The following ATP2B1 variants were observed in gnomAD, a reference collection of about 807,000 sequenced individuals.
The protein encoded by ATP2B1 is plasma membrane calcium-transporting ATPase 1.
In ATP2B1, 14 loss-of-function variants were observed where a neutral mutation model predicts 124.2. The ratio of observed to expected loss-of-function variants is 0.11; its 90% CI spans 0.07 to 0.18. The LOEUF is 0.18. Among genes scored for constraint, ATP2B1 ranks in the 10% least tolerant of loss-of-function variants. ATP2B1 has a pLI of 1.00. For missense variants in ATP2B1, 763 were observed against 1,466.1 expected (o/e 0.52, Z 7.83); for synonymous variants, 449 against 492.4 (o/e 0.91, Z 1.17).
At chr12:89,633,100 A>G (rs1882130770) in intron 5 of ATP2B1, among the ~76,000 whole-genome samples, 1 of 152,090 alleles carries the variant, frequency 6.6e-6, no homozygotes, top group Non-Finnish European at 1.5e-5. Context: ...TCTCCTTTGG[A>G]AAGGTTATAG....
At chr12:89,626,017 G>A (rs1880824215) in intron 8 of ATP2B1, among the ~76,000 whole-genome samples, 1 of 152,108 alleles carries the variant, frequency 6.6e-6, no homozygotes, top group Non-Finnish European at 1.5e-5. Flanking sequence ...CAGTAATATA[G>A]AAACTTCAGC....
intron 2 of ATP2B1, among the ~76,000 whole-genome samples, chr12:89,652,640 G>T (rs896328025): frequency 3.9e-5 from 6 of 152,198 alleles, no homozygotes; most frequent in African/African-American, 1.2e-4. Context: ...TTGTATGCTT[G>T]ATCAGTGACA....
At chr12:89,613,782 C>A (rs1279210197) in intron 12 of ATP2B1, among the ~76,000 whole-genome samples, 1 of 152,170 alleles carries the variant, frequency 6.6e-6, no homozygotes, top group East Asian at 1.9e-4. Context: ...GCCTACTAGT[C>A]ACCAGATGCT....
intron 2 of ATP2B1, among the ~76,000 whole-genome samples, chr12:89,653,123 A>T (rs1379436950): frequency 6.6e-6 from 1 of 152,218 alleles, no homozygotes; most frequent in Non-Finnish European, 1.5e-5. Flanking sequence ...CAAATTGTGT[A>T]TATATAAACA....
intron 7 of ATP2B1, 67 bp from the exon 8 acceptor site, chr12:89,626,682 G>T (rs572868155): frequency 3.6e-4 from 530 of 1,482,592 alleles, no homozygotes; most frequent in Non-Finnish European, 4.6e-4. Flanking sequence ...ACATTTTAAA[G>T]AAATTTTAAA....
intron 2 of ATP2B1, among the ~76,000 whole-genome samples, chr12:89,644,249 C>G (rs938792859): frequency 1.3e-5 from 2 of 152,106 alleles, no homozygotes; most frequent in African/African-American, 4.8e-5. Context: ...GAGCCTATTC[C>G]AAGAGAACAT....
chr12:89,627,722 G>A lies in ATP2B1; in HGVS notation c.929-6C>T, dbSNP rs776268326. On this transcript the variant is annotated splice_polypyrimidine_tract_variant and splice_region_variant and intron_variant, in intron 6 of 20. Coordinates refer to ENST00000428670, the MANE Select transcript of ATP2B1 (RefSeq NM_001366521.1). ...AGCTCCATCTTGTTTCTTATCTGTA[G>A]GAACAAAATGGGAATTAAAGCTTTC... 1.2e-6 allele frequency: 2 copies of A among 1,613,404 alleles called. No homozygotes were observed. Among genetic ancestry groups the A allele is most frequent in the Admixed American group, 1.7e-5 (1 of 59,972 alleles).
chr12:89,629,036 T>C (rs1160940902), intron 6 of ATP2B1, among the ~76,000 whole-genome samples: 1 of 152,100 alleles, frequency 6.6e-6, no homozygotes, highest in Non-Finnish European at 1.5e-5. Context: ...AAATTAGATG[T>C]TAATTTCTGG....
rs1034712650 is a variant in ATP2B1, at chr12:89,682,086, C to G, written c.-221-25979G>C. ...ATACATAAAATAGCCTTTATATACA[C>G]AACTAATAACCAATTACAAAATATA... On this transcript the variant is annotated intron_variant, in intron 1 of 20. Coordinates refer to ENST00000428670, the MANE Select transcript of ATP2B1 (RefSeq NM_001366521.1). Among the ~76,000 whole-genome samples the G allele has an allele frequency of 2.0e-5, 3 of 152,138 alleles. No individual in the cohort carries two copies. The East Asian group carries it at 5.8e-4, about 29-fold the overall frequency.
intron 5 of ATP2B1, among the ~76,000 whole-genome samples, chr12:89,634,279 T>C (rs1252803769): frequency 6.6e-6 from 1 of 152,210 alleles, no homozygotes; most frequent in Non-Finnish European, 1.5e-5. Context: ...AGTTTATATC[T>C]CAAACTCATT....
chr12:89,658,598 G>GAGAGAGAGA (rs1886258752), intron 1 of ATP2B1, among the ~76,000 whole-genome samples: 4 of 69,582 alleles, frequency 5.7e-5, no homozygotes, highest in African/African-American at 2.4e-4. Flanking sequence ...AATTCAAACA[G>GAGAGAGAGA]GAGAGAGAGA....
chr12:89,615,228 G>A (rs1004184245), intron 12 of ATP2B1, among the ~76,000 whole-genome samples: 21 of 152,062 alleles, frequency 1.4e-4, no homozygotes, highest in Admixed American at 2.0e-4. Context: ...CAACTCAAAT[G>A]CCACATCCTC....
intron 1 of ATP2B1, among the ~76,000 whole-genome samples, chr12:89,693,398 G>A (rs1174126855): frequency 6.6e-6 from 1 of 152,152 alleles, no homozygotes; most frequent in African/African-American, 2.4e-5. Context: ...CATTTATTAA[G>A]TACTAACTTA....
intron 1 of ATP2B1, among the ~76,000 whole-genome samples, chr12:89,704,571 A>G (rs1892227674): frequency 6.6e-6 from 1 of 152,164 alleles, no homozygotes; most frequent in Non-Finnish European, 1.5e-5. Flanking sequence ...GCTGCTAGCT[A>G]TATGACCTTA....
intron 1 of ATP2B1, among the ~76,000 whole-genome samples, chr12:89,660,289 C>CA (rs1296517156): frequency 2.6e-5 from 4 of 152,204 alleles, no homozygotes; most frequent in Admixed American, 6.5e-5. Flanking sequence ...TAAAAATCGG[C>CA]AATACGTTAC....
rs561042557 is a variant in ATP2B1 at position 89,599,539 on chromosome 12, AT to A, written c.3169-241del. On this transcript the variant is annotated intron_variant, in intron 19 of 20. Coordinates refer to ENST00000428670, the MANE Select transcript of ATP2B1 (RefSeq NM_001366521.1). Reference sequence around the variant, plus strand: ...CCTAAATGGAAATTAACCTGATTACATTTTTCATATTTTCATCAGGACATTC... The same window carrying A: ...CCTAAATGGAAATTAACCTGATTACATTTTCATATTTTCATCAGGACATTC... Among the ~76,000 whole-genome samples the A allele has an allele frequency of 5.6e-4, 86 of 152,252 alleles. No individual in the cohort carries two copies. In the South Asian group the frequency reaches 0.014, roughly 25 times the overall value.
At chr12:89,594,216 A>T (rs954602056) in intron 20 of ATP2B1, 1 of 152,076 alleles carries the variant, frequency 6.6e-6, no homozygotes, top group Non-Finnish European at 1.5e-5. Flanking sequence ...TATAAAGAAC[A>T]TAAGAAAGCA....
rs1201749368 is a variant in ATP2B1 at position 89,619,863 on chromosome 12, T to C, written c.1829+136A>G. ...AGCAGGGGCAAATATCTGGATACCA[T>C]AAAATATGCTAAAAAACTCTGAGGT... On this transcript the variant is annotated intron_variant, in intron 11 of 20. Transcript: ENST00000428670. 1.2e-5 allele frequency: 14 copies of C among 1,142,896 alleles called. No individual in the cohort carries two copies. In the South Asian group the frequency reaches 1.4e-4, roughly 12 times the overall value. 70.8% of individuals were successfully genotyped at this position (1,142,896 alleles called of 1,614,324 possible).
At chr12:89,668,337 A>T (rs56367055) in intron 1 of ATP2B1, among the ~76,000 whole-genome samples, 3,084 of 152,270 alleles carry the variant, frequency 0.02, 89 homozygotes, top group African/African-American at 0.07. Context: ...ATTGCAAAAG[A>T]TTAATGCTAT....
Sources: gnomAD v4.1 joint callset for allele counts (sites outside exome capture counted in the v4.1 genomes callset) on GRCh38, gnomAD v4.1.1 for gene constraint, MANE v1.5 for transcripts, NCBI Gene and HGNC (gene_info 2026-07-23, HGNC 2026-07-21) for gene names.